ZRANB3: variants seen among roughly 807,000 people sequenced by gnomAD.
The protein encoded by ZRANB3 is DNA annealing helicase and endonuclease ZRANB3.
A neutral mutation model predicts 133.8 loss-of-function variants in ZRANB3; 125 were observed. The ratio of observed to expected loss-of-function variants is 0.93; its 90% confidence interval spans 0.81 to 1.08. The LOEUF is 1.08. Among genes scored for constraint, ZRANB3 ranks in the 50% least tolerant of loss-of-function variants. The pLI is 0.00. For missense variants in ZRANB3, 1,229 were observed against 1,275.5 expected (o/e 0.96, Z 0.56); for synonymous variants, 387 against 432.7 (o/e 0.89, Z 1.31).
intron 8 of ZRANB3, among the ~76,000 whole-genome samples, chr2:135,283,915 G>A (rs1267818771): frequency 6.6e-6 from 1 of 151,060 alleles, no homozygotes; most frequent in Admixed American, 6.6e-5. Flanking sequence ...CCGGAAGTTA[G>A]AGGATGCAGT....
At chr2:135,212,532 T>C (rs1694136697) in intron 17 of ZRANB3, among the ~76,000 whole-genome samples, 1 of 152,148 alleles carries the variant, frequency 6.6e-6, no homozygotes, top group African/African-American at 2.4e-5. Context: ...GGTTTAAGAA[T>C]AAATTTTTGG....
intron 8 of ZRANB3, among the ~76,000 whole-genome samples, chr2:135,295,673 C>T (rs886564289): frequency 1.2e-4 from 18 of 152,124 alleles, no homozygotes; most frequent in African/African-American, 2.4e-4. Flanking sequence ...TTCCTAGCCT[C>T]GATGGTCTTT....
intron 8 of ZRANB3, among the ~76,000 whole-genome samples, chr2:135,304,229 G>GT (rs1682575880): frequency 6.6e-6 from 1 of 152,150 alleles, no homozygotes; most frequent in Non-Finnish European, 1.5e-5. Context: ...GATGTTAGAT[G>GT]TAAGTTTTCA....
chr2:135,443,256 C>CA (rs1481103576), intron 2 of ZRANB3, among the ~76,000 whole-genome samples: 1 of 151,882 alleles, frequency 6.6e-6, no homozygotes, highest in East Asian at 1.9e-4. Flanking sequence ...CCATCATTCT[C>CA]AAAAAACTAT....
chr2:135,517,374 C>T (rs1243148140), intron 1 of ZRANB3, among the ~76,000 whole-genome samples: 1 of 152,012 alleles, frequency 6.6e-6, no homozygotes, highest in Admixed American at 6.6e-5. Flanking sequence ...AATTTTCAGC[C>T]TTTTTGTGCT....
intron 12 of ZRANB3, among the ~76,000 whole-genome samples, chr2:135,241,234 T>C (rs573799115): frequency 3.9e-4 from 60 of 152,158 alleles, no homozygotes; most frequent in African/African-American, 1.3e-3. Context: ...ACTGTAATAT[T>C]TTCCTTCTTT....
At chr2:135,438,758 A>G (rs923654361) in intron 2 of ZRANB3, among the ~76,000 whole-genome samples, 2 of 152,154 alleles carry the variant, frequency 1.3e-5, no homozygotes, top group Non-Finnish European at 2.9e-5. Context: ...TCATAAGTCC[A>G]TGTTCTTAAA....
chr2:135,529,035 A>C (rs1284237975), intron 1 of ZRANB3, among the ~76,000 whole-genome samples: 1 of 152,216 alleles, frequency 6.6e-6, no homozygotes, highest in East Asian at 1.9e-4. Flanking sequence ...TCTCTTCCTC[A>C]CAACTTTTGG....
At chr2:135,417,161 G>A (rs899553851) in intron 2 of ZRANB3, among the ~76,000 whole-genome samples, 12 of 152,290 alleles carry the variant, frequency 7.9e-5, no homozygotes, top group African/African-American at 2.6e-4. Flanking sequence ...ACTACCATCA[G>A]AGTGAACAGG....
chr2:135,459,624 G>T (rs1440143551), intron 2 of ZRANB3, among the ~76,000 whole-genome samples: 1 of 151,796 alleles, frequency 6.6e-6, no homozygotes, highest in East Asian at 1.9e-4. Flanking sequence ...AAAACATAAA[G>T]GTCTAAAAAA....
intron 2 of ZRANB3, among the ~76,000 whole-genome samples, chr2:135,413,508 T>A (rs10196941): frequency 0.03 from 4,509 of 152,278 alleles, 211 homozygotes; most frequent in African/African-American, 0.1. Context: ...AACAAAGGTT[T>A]TAAGATACTT....
intron 2 of ZRANB3, among the ~76,000 whole-genome samples, chr2:135,402,200 C>A (rs1268611997): frequency 6.6e-6 from 1 of 151,834 alleles, no homozygotes; most frequent in Non-Finnish European, 1.5e-5. Flanking sequence ...ACGAGGACTG[C>A]TCTAGAGTTA....
rs1222053120 is a variant in ZRANB3, at chr2:135,220,697, C to CAAA, written c.2251-1522_2251-1520dup. On this transcript the variant is annotated intron_variant, in intron 15 of 20. Coordinates refer to ENST00000264159, the MANE Select transcript of ZRANB3 (RefSeq NM_032143.4). ...TGGGTGGCAGAGAGAGACTCCATCT[C>CAAA]AAAAAAAAAAAAAAAAAAAAATTGA... is the stretch of plus-strand genomic sequence containing the variant. 6.1e-3 allele frequency among the ~76,000 whole-genome samples: 337 copies of CAAA among 54,832 alleles called. 8 individuals are homozygous for CAAA. The highest frequency in any genetic ancestry group is 0.017 in the African/African-American group (287 of 17,300). 36.0% of individuals were successfully genotyped at this position (54,832 alleles called of 152,430 possible).
At chr2:135,244,791 GA>G (rs10709174) in intron 12 of ZRANB3, among the ~76,000 whole-genome samples, 23,444 of 152,100 alleles carry the variant, frequency 0.15, 2,414 homozygotes, top group South Asian at 0.32. Context: ...CTTATTTTGG[GA>G]AAATAGCATT....
chr2:135,458,547 C>T (rs1690629192), intron 2 of ZRANB3, among the ~76,000 whole-genome samples: 1 of 152,070 alleles, frequency 6.6e-6, no homozygotes, highest in East Asian at 1.9e-4. Context: ...TTATTACATA[C>T]CACGTTAACC....
intron 2 of ZRANB3, among the ~76,000 whole-genome samples, chr2:135,476,706 T>C: frequency 6.6e-6 from 1 of 151,236 alleles, no homozygotes; most frequent in East Asian, 1.9e-4. Flanking sequence ...TTTTTTTTTT[T>C]TTCTTTTCTT....
At chr2:135,269,275 G>T in intron 10 of ZRANB3, 134 bp from the exon 11 acceptor site, 1 of 656,446 alleles carries the variant, frequency 1.5e-6, no homozygotes, top group Non-Finnish European at 2.3e-6. Context: ...GCCAAATTAA[G>T]ATTTAATTCA....
In ZRANB3 at chr2:135,200,317, T is replaced by C; in HGVS notation, c.*25A>G. The C allele has an allele frequency of 6.5e-7, 1 of 1,535,770 alleles. No homozygotes were observed. The highest frequency in any genetic ancestry group is 8.9e-7 in the Non-Finnish European group (1 of 1,127,482). On this transcript the variant is annotated 3_prime_UTR_variant, in exon 21 of 21. Transcript: ENST00000264159. ...AAGTCTTCCACATGTAAACCATTTG[T>C]CATTCATTCATATATTTTTCTACTT... is the stretch of plus-strand genomic sequence containing the variant.
intron 3 of ZRANB3, among the ~76,000 whole-genome samples, chr2:135,387,223 G>C (rs543109202): frequency 6.6e-6 from 1 of 152,080 alleles, no homozygotes; most frequent in South Asian, 2.1e-4. Context: ...TATTTGATGA[G>C]TCAACAGTCA....
Sources: allele counts gnomAD v4.1 joint callset (sites outside exome capture counted in the v4.1 genomes callset), GRCh38; gene constraint gnomAD v4.1.1; transcripts MANE v1.5; gene names NCBI Gene and HGNC (gene_info 2026-07-23, HGNC 2026-07-21).